CTPS2: variants seen among roughly 807,000 people sequenced by gnomAD.
CTPS2 encodes the protein CTP synthase 2, also known as CTP synthase II.
A neutral mutation model predicts 46.8 loss-of-function variants in CTPS2; 19 were observed. The observed-to-expected ratio is 0.41, with a 90% CI of 0.28 to 0.60. CTPS2 has a LOEUF of 0.60. Ranked by LOEUF, CTPS2 falls within the 20% of genes least tolerant of loss-of-function variation. The pLI, the probability that CTPS2 is intolerant of heterozygous loss-of-function variation, is 0.35. For synonymous variants in CTPS2, 151 were observed against 165.2 expected, an observed-to-expected ratio of 0.91 and a Z score of 0.66; for missense variants, 286 against 447.6, an observed-to-expected ratio of 0.64 and a Z score of 3.26.
chrX:16,654,512 G>A lies in CTPS2; in HGVS notation c.1296+13002C>T, dbSNP rs144139570. On this transcript the variant is annotated intron_variant, in intron 13 of 18. Transcript: ENST00000359276. ...TAGTAAAAAAGATATCCCAGTGAAG[G>A]AGAAAACAAAATAGAACCCTGAGCA... The A allele has an allele frequency of 9.0e-4, 1,004 of 1,119,665 alleles. 5 individuals carry two copies. In the African/African-American group the frequency reaches 0.016, roughly 18 times the overall value. 92.3% of individuals were successfully genotyped at this position (1,119,665 alleles called of 1,213,427 possible). A position where few individuals can be genotyped will look rare whatever the true frequency, so the allele number is the denominator to read the frequency against.
At chrX:16,678,899 G>A (rs1009609346) in intron 9 of CTPS2, among the ~76,000 whole-genome samples, 1 of 110,388 alleles carries the variant, frequency 9.1e-6, no homozygotes, top group Non-Finnish European at 1.9e-5. Flanking sequence ...CAACTAGGAC[G>A]TCACTAGAAC....
intron 13 of CTPS2, among the ~76,000 whole-genome samples, chrX:16,653,977 G>T (rs1037733198): frequency 1.7e-4 from 19 of 111,277 alleles, no homozygotes; most frequent in Non-Finnish European, 3.2e-4. Flanking sequence ...CATGTAATAT[G>T]TCAGCCCTAG....
At position 16,615,178 on chromosome X, in the gene CTPS2, G is replaced by GA. The variant is rs772600805; in HGVS notation, c.1546+1971dup. ...GCAACAGAGTAAGACTTCATCTCAA[G>GA]AAAAAAAAAAAGTAGCCAGGCAGGG... On this transcript the variant is annotated intron_variant, in intron 16 of 18. Coordinates refer to ENST00000359276, the MANE Select transcript of CTPS2 (RefSeq NM_175859.3). Among the ~76,000 whole-genome samples, 53 of 100,855 alleles carry GA rather than the reference G, an allele frequency of 5.3e-4. No individual in the cohort carries two copies. The East Asian group carries it at 0.012, about 22-fold the overall frequency. The allele number at this position is 100,855 out of a possible 115,157, so 87.6% of individuals were successfully genotyped here. A position where few individuals can be genotyped will look rare whatever the true frequency, so the allele number is the denominator to read the frequency against.
At chrX:16,652,076 G>A (rs758747633) in intron 13 of CTPS2, among the ~76,000 whole-genome samples, 4 of 111,472 alleles carry the variant, frequency 3.6e-5, no homozygotes, top group Non-Finnish European at 7.5e-5. Context: ...GGAGCTTCTG[G>A]CTAAATTGCC....
upstream of CTPS2, chrX:16,712,672 G>A: frequency 8.7e-6 from 1 of 114,421 alleles, no homozygotes. Flanking sequence ...GACGCACTGG[G>A]CCCCAGGCCT....
At chrX:16,596,602 T>A (rs1384276654) in intron 17 of CTPS2, among the ~76,000 whole-genome samples, 2 of 111,274 alleles carry the variant, frequency 1.8e-5, no homozygotes, top group East Asian at 5.6e-4. Context: ...TTGTTGGACA[T>A]CTTGGGTTGG....
At chrX:16,689,636 G>A in intron 7 of CTPS2, 35 bp from the exon 8 acceptor site, 1 of 1,157,360 alleles carries the variant, frequency 8.6e-7, no homozygotes, top group Non-Finnish European at 1.2e-6. Context: ...TACTTAGATG[G>A]ATCTATTCAA....
chrX:16,614,876 C>CA (rs918093888), intron 16 of CTPS2, among the ~76,000 whole-genome samples: 8 of 111,210 alleles, frequency 7.2e-5, no homozygotes, highest in African/African-American at 2.0e-4. Context: ...CCTGCCGCTA[C>CA]AAAAAAAATT....
At chrX:16,619,134 C>T (rs746921381) in intron 15 of CTPS2, among the ~76,000 whole-genome samples, 1 of 112,354 alleles carries the variant, frequency 8.9e-6, no homozygotes, top group South Asian at 3.7e-4. Flanking sequence ...AAATTATGTT[C>T]CTTGGTCATA....
intron 11 of CTPS2, among the ~76,000 whole-genome samples, chrX:16,668,676 G>A: frequency 1.0e-5 from 1 of 95,889 alleles, no homozygotes; most frequent in Non-Finnish European, 2.1e-5. Flanking sequence ...AAGGAAGAAG[G>A]AAGAAAGAAG....
At chrX:16,688,470 T>C (rs377034968) in intron 8 of CTPS2, among the ~76,000 whole-genome samples, 8 of 107,222 alleles carry the variant, frequency 7.5e-5, no homozygotes, top group African/African-American at 2.7e-4. Flanking sequence ...AGGGTCTCGC[T>C]ATGTTGCTCA....
chrX:16,652,573 C>T (rs892507086), intron 13 of CTPS2, among the ~76,000 whole-genome samples: 1 of 112,009 alleles, frequency 8.9e-6, no homozygotes, highest in Non-Finnish European at 1.9e-5. Flanking sequence ...TTAAAAGACC[C>T]TTTATTTTTT....
intron 17 of CTPS2, among the ~76,000 whole-genome samples, chrX:16,606,205 G>A (rs1929964535): frequency 8.9e-6 from 1 of 112,564 alleles, no homozygotes; most frequent in Non-Finnish European, 1.9e-5. Context: ...GGGAAAGGAA[G>A]TCATTATTCT....
At chrX:16,603,071 G>C in intron 17 of CTPS2, among the ~76,000 whole-genome samples, 1 of 111,275 alleles carries the variant, frequency 9.0e-6, no homozygotes, top group Non-Finnish European at 1.9e-5. Flanking sequence ...CCCAGTCCTG[G>C]AATCAACCAT....
At chrX:16,664,628 G>GA (rs1407375441) in intron 13 of CTPS2, among the ~76,000 whole-genome samples, 1 of 111,257 alleles carries the variant, frequency 9.0e-6, no homozygotes, top group Non-Finnish European at 1.9e-5. Flanking sequence ...GATGAACCAA[G>GA]AAAAAAAAGA....
chrX:16,676,974 G>A (rs1299975429), intron 10 of CTPS2, among the ~76,000 whole-genome samples: 1 of 107,485 alleles, frequency 9.3e-6, no homozygotes, highest in Non-Finnish European at 1.9e-5. Flanking sequence ...CAGAAGAATT[G>A]CTTGAACCTG....
intron 14 of CTPS2, chrX:16,627,085 T>G (rs761655059): frequency 8.8e-6 from 1 of 114,109 alleles, no homozygotes; most frequent in East Asian, 2.8e-4. Context: ...TTGCACCAAC[T>G]TAATAAAAAA....
chrX:16,686,415 C>A (rs1387085235), intron 8 of CTPS2, among the ~76,000 whole-genome samples: 1 of 110,985 alleles, frequency 9.0e-6, no homozygotes, highest in Non-Finnish European at 1.9e-5. Flanking sequence ...AATGGTGGCC[C>A]CCCCCCAAAG....
intron 1 of CTPS2, among the ~76,000 whole-genome samples, chrX:16,709,657 T>A (rs191723128): frequency 3.9e-4 from 43 of 109,032 alleles, no homozygotes; most frequent in African/African-American, 1.4e-3. Flanking sequence ...AAGACCATCC[T>A]GGCCAACATG....
Sources: allele counts gnomAD v4.1 joint callset (sites outside exome capture counted in the v4.1 genomes callset), GRCh38; gene constraint gnomAD v4.1.1; transcripts MANE v1.5; gene names NCBI Gene and HGNC (gene_info 2026-07-23, HGNC 2026-07-21).